Variants in UGGT2 observed in about 807,000 individuals in gnomAD.
UGGT2 encodes UDP-glucose glycoprotein glucosyltransferase 2.
UGGT2 carries 180 observed loss-of-function variants against 192.1 expected under a neutral mutation model. The observed-to-expected ratio is 0.94, with a 90% CI of 0.83 to 1.06. The LOEUF is 1.06. Among genes scored for constraint, UGGT2 ranks in the 50% least tolerant of loss-of-function variants. The pLI is 0.00. For synonymous variants in UGGT2, 580 were observed against 591.0 expected, an observed-to-expected ratio of 0.98 and a Z score of 0.27; for missense variants, 1,849 against 1,795.7, an observed-to-expected ratio of 1.03 and a Z score of -0.54.
chr13:95,958,575 G>A (rs1434234754), intron 12 of UGGT2, among the ~76,000 whole-genome samples: 1 of 151,268 alleles, frequency 6.6e-6, no homozygotes, highest in Admixed American at 6.6e-5. Flanking sequence ...ATTTCAGAGA[G>A]GATTTTTCCC....
chr13:95,820,859 A>C (rs1447540829), intron 38 of UGGT2, among the ~76,000 whole-genome samples: 1 of 152,016 alleles, frequency 6.6e-6, no homozygotes, highest in Non-Finnish European at 1.5e-5. Flanking sequence ...ACGGTATTTG[A>C]CTTTCCATTC....
chr13:96,034,558 A>G (rs989340411), intron 1 of UGGT2, among the ~76,000 whole-genome samples: 1 of 152,220 alleles, frequency 6.6e-6, no homozygotes, highest in African/African-American at 2.4e-5. Flanking sequence ...GGCAATGAAA[A>G]GGAGAGAAGA....
intron 36 of UGGT2, among the ~76,000 whole-genome samples, chr13:95,850,849 T>C (rs1361410209): frequency 6.6e-6 from 1 of 152,222 alleles, no homozygotes; most frequent in Admixed American, 6.5e-5. Flanking sequence ...TTTATAGTTA[T>C]CTACTGACAA....
At chr13:95,974,733 T>A (rs2050883110) in intron 10 of UGGT2, among the ~76,000 whole-genome samples, 1 of 152,188 alleles carries the variant, frequency 6.6e-6, no homozygotes, top group African/African-American at 2.4e-5. Flanking sequence ...AGCAACATGA[T>A]GAACCAAAGA....
chr13:95,866,557 C>G (rs1890676165), intron 30 of UGGT2, among the ~76,000 whole-genome samples: 1 of 152,184 alleles, frequency 6.6e-6, no homozygotes, highest in African/African-American at 2.4e-5. Context: ...GCCTACTTGG[C>G]TGACACAAAT....
intron 1 of UGGT2, among the ~76,000 whole-genome samples, chr13:96,048,957 A>T (rs564188877): frequency 0.056 from 8,538 of 152,294 alleles, 371 homozygotes; most frequent in Non-Finnish European, 0.081. Flanking sequence ...ATACAAAAAA[A>T]GGGAATCCTC....
intron 25 of UGGT2, among the ~76,000 whole-genome samples, chr13:95,889,725 C>T (rs779822274): frequency 2.0e-5 from 3 of 152,150 alleles, no homozygotes; most frequent in South Asian, 2.1e-4. Flanking sequence ...TCTGTCTCTT[C>T]GCATTCATTT....
chr13:96,046,412 G>C (rs1276235785), intron 1 of UGGT2, among the ~76,000 whole-genome samples: 1 of 152,204 alleles, frequency 6.6e-6, no homozygotes, highest in Non-Finnish European at 1.5e-5. Flanking sequence ...AACCCTTTTA[G>C]ACATTGGCTT....
chr13:96,021,058 C>T (rs1250282334), intron 4 of UGGT2, among the ~76,000 whole-genome samples: 1 of 152,230 alleles, frequency 6.6e-6, no homozygotes, highest in Non-Finnish European at 1.5e-5. Context: ...TTAAGGAACA[C>T]TGGGCTTGGG....
At chr13:95,926,107 T>TA (rs557189084) in intron 19 of UGGT2, among the ~76,000 whole-genome samples, 58 of 147,432 alleles carry the variant, frequency 3.9e-4, no homozygotes, top group South Asian at 6.4e-4. Context: ...TACATTTGTT[T>TA]AAAAAAAAAA....
At chr13:95,983,592 T>C in intron 10 of UGGT2, 1 of 631,184 alleles carries the variant, frequency 1.6e-6, no homozygotes, top group South Asian at 1.5e-5. Flanking sequence ...AATTCTGGAA[T>C]ATACTGTGAA....
intron 38 of UGGT2, among the ~76,000 whole-genome samples, chr13:95,829,415 A>G (rs375257828): frequency 6.6e-6 from 1 of 152,172 alleles, no homozygotes; most frequent in Non-Finnish European, 1.5e-5. Context: ...GTATATTTAG[A>G]AAACCCCATC....
intron 26 of UGGT2, 56 bp downstream of exon 26, chr13:95,887,836 T>C (rs1402237601): frequency 1.8e-6 from 2 of 1,104,550 alleles, no homozygotes; most frequent in Non-Finnish European, 2.7e-6. Context: ...TGATTGTTTT[T>C]TTCTTCTCAG....
chr13:95,843,619 G>A (rs1462892884), intron 36 of UGGT2, among the ~76,000 whole-genome samples: 1 of 151,672 alleles, frequency 6.6e-6, no homozygotes, highest in African/African-American at 2.4e-5. Context: ...TCTATGATGT[G>A]TTTGGAATTA....
intron 17 of UGGT2, among the ~76,000 whole-genome samples, chr13:95,934,713 T>G (rs1566723579): frequency 6.6e-6 from 1 of 152,180 alleles, no homozygotes; most frequent in Non-Finnish European, 1.5e-5. Flanking sequence ...TTCACTGTGT[T>G]GCCCAGGCTG....
At chr13:95,995,687 C>A (rs1003779478) in intron 7 of UGGT2, among the ~76,000 whole-genome samples, 14 of 151,850 alleles carry the variant, frequency 9.2e-5, no homozygotes, top group African/African-American at 3.1e-4. Context: ...AAATGATGGA[C>A]TATCCACAAG....
intron 15 of UGGT2, among the ~76,000 whole-genome samples, chr13:95,942,516 T>C (rs2049725511): frequency 6.6e-6 from 1 of 152,170 alleles, no homozygotes; most frequent in African/African-American, 2.4e-5. Context: ...ATTTGTAAGA[T>C]AATTATCTTG....
intron 20 of UGGT2, among the ~76,000 whole-genome samples, chr13:95,913,919 A>G (rs943019812): frequency 1.3e-5 from 2 of 152,194 alleles, no homozygotes; most frequent in African/African-American, 4.8e-5. Flanking sequence ...AAAAAGGATG[A>G]GTTCATGTCC....
chr13:95,888,356 T>G (rs769531939), intron 25 of UGGT2, among the ~76,000 whole-genome samples: 3 of 152,194 alleles, frequency 2.0e-5, no homozygotes, highest in Non-Finnish European at 4.4e-5. Flanking sequence ...GTGTCCTGAT[T>G]CTTTTGGGAT....
Sources: allele counts gnomAD v4.1 joint callset (sites outside exome capture counted in the v4.1 genomes callset), GRCh38; gene constraint gnomAD v4.1.1; transcripts MANE v1.5; gene names NCBI Gene and HGNC (gene_info 2026-07-23, HGNC 2026-07-21).